TM9SF3: variants seen among roughly 807,000 people sequenced by gnomAD.
TM9SF3 encodes the protein transmembrane 9 superfamily member 3, also known as SM-11044-binding protein.
TM9SF3 carries 14 observed loss-of-function variants against 78.6 expected under a neutral mutation model. The observed-to-expected ratio is 0.18, with a 90% confidence interval of 0.12 to 0.28. TM9SF3 has a LOEUF of 0.28. TM9SF3 is among the 10% of genes least tolerant of loss of function. The pLI is 1.00. For synonymous variants in TM9SF3, 231 were observed against 241.7 expected, an observed-to-expected ratio of 0.96 and a Z score of 0.41; for missense variants, 496 against 721.9, an observed-to-expected ratio of 0.69 and a Z score of 3.59.
intron 2 of TM9SF3, among the ~76,000 whole-genome samples, chr10:96,573,411 C>T (rs1011728524): frequency 3.3e-5 from 5 of 152,078 alleles, no homozygotes; most frequent in East Asian, 1.9e-4. Context: ...CAGTAGAGGG[C>T]GAAGATAAAT....
chr10:96,548,520 G>A (rs560446454), intron 7 of TM9SF3, among the ~76,000 whole-genome samples: 112 of 152,080 alleles, frequency 7.4e-4, no homozygotes, highest in African/African-American at 2.0e-3. Flanking sequence ...TTTTTAGGCC[G>A]CGCACAGTGG....
intron 9 of TM9SF3, among the ~76,000 whole-genome samples, chr10:96,537,527 G>A (rs1284775818): frequency 6.6e-6 from 1 of 152,122 alleles, no homozygotes; most frequent in African/African-American, 2.4e-5. Context: ...AGCAATAAAC[G>A]ATCAGAATTT....
At chr10:96,528,956 A>G (rs926541939) in intron 11 of TM9SF3, among the ~76,000 whole-genome samples, 1 of 152,148 alleles carries the variant, frequency 6.6e-6, no homozygotes, top group Non-Finnish European at 1.5e-5. Context: ...TTGGCTACCA[A>G]ATGGGTAGGA....
At chr10:96,570,264 A>G (rs1848425098) in intron 2 of TM9SF3, among the ~76,000 whole-genome samples, 1 of 152,230 alleles carries the variant, frequency 6.6e-6, no homozygotes, top group African/African-American at 2.4e-5. Context: ...ATATATGTAG[A>G]ATGAACTCAA....
rs1467660038 is a variant in TM9SF3, at chr10:96,520,920, G to A, written c.*1343C>T. 5.0e-6 allele frequency: 2 copies of A among 397,142 alleles called. No homozygotes were observed. Among genetic ancestry groups the A allele is most frequent in the Non-Finnish European group, 8.9e-6 (2 of 224,750 alleles). 24.6% of individuals were successfully genotyped at this position (397,142 alleles called of 1,614,324 possible). On this transcript the variant is annotated 3_prime_UTR_variant, in exon 15 of 15. Coordinates refer to ENST00000371142, the MANE Select transcript of TM9SF3 (RefSeq NM_020123.4). ...AGCATACTTTTAAAAATGGCATTCG[G>A]TAATTTTGCCTTCTGGACAGAAAGA...
chr10:96,547,621 A>C (rs1442153893), intron 8 of TM9SF3, among the ~76,000 whole-genome samples: 2 of 150,802 alleles, frequency 1.3e-5, no homozygotes, highest in Non-Finnish European at 3.0e-5. Context: ...AGGAGTTCAC[A>C]GCAGCCTGGC....
intron 4 of TM9SF3, chr10:96,560,806 G>T (rs748313033): frequency 1.8e-6 from 1 of 550,234 alleles, no homozygotes; most frequent in Non-Finnish European, 3.5e-6. Flanking sequence ...TCAACACTAA[G>T]ATCAAAAGGA....
intron 4 of TM9SF3, chr10:96,560,397 A>G: frequency 1.4e-6 from 1 of 738,672 alleles, no homozygotes; most frequent in Non-Finnish European, 2.5e-6. Context: ...AAGGCAGTCC[A>G]ATTAAATAAC....
chr10:96,583,513 T>C (rs1303910083), intron 1 of TM9SF3, among the ~76,000 whole-genome samples: 1 of 152,230 alleles, frequency 6.6e-6, no homozygotes, highest in African/African-American at 2.4e-5. Context: ...AGTGCTTTAC[T>C]GTCTTATTTT....
chr10:96,575,497 T>C (rs1040204237), intron 2 of TM9SF3, among the ~76,000 whole-genome samples: 16 of 151,922 alleles, frequency 1.1e-4, no homozygotes, highest in African/African-American at 3.9e-4. Context: ...ATAGATACGG[T>C]ATACCTATTT....
intron 7 of TM9SF3, 79 bp from the exon 8 acceptor site, chr10:96,548,068 T>C: frequency 1.2e-6 from 1 of 867,308 alleles, no homozygotes; most frequent in South Asian, 1.9e-5. Context: ...TTAGCATTAG[T>C]TTAATTTCAA....
At chr10:96,580,013 G>C (rs1490124342) in intron 1 of TM9SF3, among the ~76,000 whole-genome samples, 2 of 152,170 alleles carry the variant, frequency 1.3e-5, no homozygotes. Context: ...AGAGTGCTAG[G>C]CCCAGAAGAA....
intron 9 of TM9SF3, among the ~76,000 whole-genome samples, chr10:96,541,398 C>CA (rs1466230794): frequency 6.6e-6 from 1 of 151,360 alleles, no homozygotes; most frequent in African/African-American, 2.4e-5. Flanking sequence ...TTTTTTGAGA[C>CA]AGAGTCTCAC....
At chr10:96,567,248 C>T (rs972397352) in intron 2 of TM9SF3, among the ~76,000 whole-genome samples, 3 of 152,000 alleles carry the variant, frequency 2.0e-5, no homozygotes, top group African/African-American at 7.2e-5. Flanking sequence ...CCAGGCCCGA[C>T]TAATTTTTTG....
At chr10:96,523,938 C>T (rs946395847) in intron 14 of TM9SF3, among the ~76,000 whole-genome samples, 2 of 151,694 alleles carry the variant, frequency 1.3e-5, no homozygotes, top group African/African-American at 4.8e-5. Context: ...CTGAATTATT[C>T]CATCATATTA....
intron 3 of TM9SF3, 71 bp from the exon 4 acceptor site, chr10:96,562,209 T>G: frequency 9.4e-7 from 1 of 1,065,020 alleles, no homozygotes; most frequent in Non-Finnish European, 1.3e-6. Context: ...AGCTAAATGC[T>G]CATTAAGTTT....
In TM9SF3 at chr10:96,586,994, G is replaced by T; in HGVS notation, c.-159C>A. ...CGCTGCCTCCTCTGCCGCCGCCGTC[G>T]CCGTCACCGCCCGCTCCTGAGCCTC... On this transcript the variant is annotated 5_prime_UTR_variant, in exon 1 of 15. Coordinates refer to ENST00000371142, the MANE Select transcript of TM9SF3 (RefSeq NM_020123.4). 2.4e-6 allele frequency: 1 copy of T among 408,506 alleles called. No homozygotes were observed. Among genetic ancestry groups the T allele is most frequent in the Non-Finnish European group, 3.7e-6 (1 of 273,706 alleles). The allele number at this position is 408,506 out of a possible 1,614,324, so 25.3% of individuals were successfully genotyped here. A position where few individuals can be genotyped will look rare whatever the true frequency, so the allele number is the denominator to read the frequency against.
chr10:96,573,947 C>T (rs1222944822), intron 2 of TM9SF3, among the ~76,000 whole-genome samples: 4 of 152,096 alleles, frequency 2.6e-5, no homozygotes, highest in African/African-American at 7.2e-5. Flanking sequence ...AAGACTTAAA[C>T]GTAAGACCTA....
intron 14 of TM9SF3, 26 bp from the exon 15 acceptor site, chr10:96,522,356 G>GGCAC: frequency 6.5e-7 from 1 of 1,537,442 alleles, no homozygotes; most frequent in Non-Finnish European, 8.7e-7. Context: ...AAGATGTTTT[G>GGCAC]AAACAAATAC....
Sources: allele counts gnomAD v4.1 joint callset (sites outside exome capture counted in the v4.1 genomes callset), GRCh38; gene constraint gnomAD v4.1.1; transcripts MANE v1.5; gene names NCBI Gene and HGNC (gene_info 2026-07-23, HGNC 2026-07-21).